Variants in ERC2 observed in about 807,000 individuals in gnomAD.
ERC2 encodes ELKS/RAB6-interacting/CAST family member 2.
In ERC2, 42 loss-of-function variants were observed where a neutral mutation model predicts 114.8. The ratio of observed to expected loss-of-function variants is 0.37; its 90% CI spans 0.29 to 0.47. The LOEUF is 0.47. Among genes scored for constraint, ERC2 ranks in the 20% least tolerant of loss-of-function variants. The probability of loss-of-function intolerance (pLI) is 0.99; values close to 1 mark genes in which losing one functional copy is unlikely to be tolerated. For synonymous variants in ERC2, 454 were observed against 425.5 expected, an observed-to-expected ratio of 1.07 and a Z score of -0.82; for missense variants, 939 against 1,150.7, an observed-to-expected ratio of 0.82 and a Z score of 2.66.
intron 14 of ERC2, among the ~76,000 whole-genome samples, chr3:55,832,320 C>T (rs924057474): frequency 5.3e-5 from 8 of 152,220 alleles, no homozygotes; most frequent in African/African-American, 1.9e-4. Context: ...GGGTCCCTGA[C>T]CCCTGACCCC....
intron 10 of ERC2, among the ~76,000 whole-genome samples, chr3:56,006,838 T>C (rs1005554544): frequency 1.3e-5 from 2 of 152,106 alleles, no homozygotes; most frequent in Admixed American, 6.6e-5. Context: ...CTAATGTGGC[T>C]TCCGGATTCT....
chr3:55,630,621 C>T (rs2059714359), intron 17 of ERC2, among the ~76,000 whole-genome samples: 1 of 152,158 alleles, frequency 6.6e-6, no homozygotes. Flanking sequence ...CTTCTGAGAC[C>T]TCCTCATGTG....
chr3:55,699,104 C>T (rs971011041), intron 16 of ERC2, among the ~76,000 whole-genome samples: 12 of 151,902 alleles, frequency 7.9e-5, no homozygotes, highest in African/African-American at 2.7e-4. Context: ...CATGAGATAC[C>T]GAGCCAGCAA....
chr3:55,869,860 A>G (rs1022250975), intron 14 of ERC2, among the ~76,000 whole-genome samples: 4 of 152,044 alleles, frequency 2.6e-5, no homozygotes, highest in Admixed American at 2.0e-4. Flanking sequence ...AATCTTCAAA[A>G]CCCGTCACAA....
chr3:56,387,393 A>G (rs1001563262), intron 2 of ERC2, among the ~76,000 whole-genome samples: 1 of 152,124 alleles, frequency 6.6e-6, no homozygotes, highest in African/African-American at 2.4e-5. Flanking sequence ...TAACCTGTAC[A>G]ATGCAAAGTG....
intron 12 of ERC2, among the ~76,000 whole-genome samples, chr3:55,985,133 A>G (rs566321927): frequency 6.6e-6 from 1 of 152,344 alleles, no homozygotes; most frequent in Non-Finnish European, 1.5e-5. Context: ...TAGTAAACTC[A>G]TTGATTGAAT....
intron 14 of ERC2, among the ~76,000 whole-genome samples, chr3:55,823,860 A>G (rs764910511): frequency 2.0e-5 from 3 of 152,172 alleles, no homozygotes; most frequent in Non-Finnish European, 4.4e-5. Flanking sequence ...TTGGGCTGCC[A>G]TAACAAGATA....
intron 14 of ERC2, among the ~76,000 whole-genome samples, chr3:55,834,971 C>A (rs1222042760): frequency 6.6e-6 from 1 of 151,018 alleles, no homozygotes; most frequent in African/African-American, 2.5e-5. Context: ...ACTACAAACA[C>A]CTCTACGCAA....
At chr3:55,948,179 A>G (rs1051508876) in intron 13 of ERC2, among the ~76,000 whole-genome samples, 11 of 152,204 alleles carry the variant, frequency 7.2e-5, no homozygotes, top group Admixed American at 6.5e-4. Context: ...AGCCTGATCC[A>G]CTAGCTATTA....
intron 17 of ERC2, among the ~76,000 whole-genome samples, chr3:55,638,014 G>A (rs188122340): frequency 2.0e-5 from 3 of 152,138 alleles, no homozygotes; most frequent in Admixed American, 6.5e-5. Flanking sequence ...ACCCAATTCT[G>A]TTAGGCTCTT....
intron 14 of ERC2, among the ~76,000 whole-genome samples, chr3:55,805,596 A>G (rs1175593291): frequency 6.6e-6 from 1 of 151,930 alleles, no homozygotes; most frequent in Non-Finnish European, 1.5e-5. Flanking sequence ...TGCATTTCAC[A>G]GGAAAAAATT....
At chr3:55,530,785 C>T (rs1339705706) in intron 17 of ERC2, among the ~76,000 whole-genome samples, 1 of 152,180 alleles carries the variant, frequency 6.6e-6, no homozygotes, top group East Asian at 1.9e-4. Flanking sequence ...TTGCTCATCA[C>T]TGGGAAATCA....
At chr3:56,280,580 T>C (rs2054280250) in intron 3 of ERC2, among the ~76,000 whole-genome samples, 1 of 152,120 alleles carries the variant, frequency 6.6e-6, no homozygotes, top group African/African-American at 2.4e-5. Flanking sequence ...GGAAGTCCAC[T>C]AGATGGTTAC....
Position 55,535,858 on chromosome 3 carries a change from G to A in ERC2, c.*40-24582C>T, listed in dbSNP as rs574993870. ...AAAATACAAAAATTAGCCGGACATGGTGGCGGGTGCCTGTAATCCCAGCTA... is the reference window on the plus strand; with the variant it reads ...AAAATACAAAAATTAGCCGGACATGATGGCGGGTGCCTGTAATCCCAGCTA... On this transcript the variant is annotated intron_variant, in intron 17 of 17. Transcript: ENST00000288221. 6.6e-5 allele frequency among the ~76,000 whole-genome samples: 10 copies of A among 152,244 alleles called. No homozygotes were observed. In the South Asian group the frequency reaches 2.1e-3, roughly 32 times the overall value.
intron 15 of ERC2, among the ~76,000 whole-genome samples, chr3:55,724,522 T>G (rs2064791268): frequency 6.6e-6 from 1 of 152,222 alleles, no homozygotes; most frequent in Non-Finnish European, 1.5e-5. Context: ...GCATAGTTCC[T>G]GAACCCAAGT....
At chr3:56,449,676 CT>C (rs1437340394) in intron 1 of ERC2, among the ~76,000 whole-genome samples, 1 of 152,236 alleles carries the variant, frequency 6.6e-6, no homozygotes, top group African/African-American at 2.4e-5. Flanking sequence ...AAGTATTTTA[CT>C]TCTCTCATCC....
intron 11 of ERC2, among the ~76,000 whole-genome samples, chr3:55,988,515 A>C (rs968622144): frequency 1.3e-5 from 2 of 152,260 alleles, no homozygotes; most frequent in African/African-American, 4.8e-5. Context: ...GCTATCTGGA[A>C]TGGGAAGATT....
intron 17 of ERC2, among the ~76,000 whole-genome samples, chr3:55,577,903 A>C (rs2057068228): frequency 6.6e-6 from 1 of 152,120 alleles, no homozygotes; most frequent in Non-Finnish European, 1.5e-5. Flanking sequence ...AAATTGAGAG[A>C]AGGGCTTTGC....
chr3:56,160,215 A>G (rs2081974705), intron 4 of ERC2, among the ~76,000 whole-genome samples: 1 of 151,996 alleles, frequency 6.6e-6, no homozygotes, highest in Non-Finnish European at 1.5e-5. Flanking sequence ...ATGGCTTCTC[A>G]CTGTGGTTTT....
Sources: gnomAD v4.1 joint callset for allele counts (sites outside exome capture counted in the v4.1 genomes callset) on GRCh38, gnomAD v4.1.1 for gene constraint, MANE v1.5 for transcripts, NCBI Gene and HGNC (gene_info 2026-07-23, HGNC 2026-07-21) for gene names.